Variants in SPAG16 observed in about 807,000 individuals in gnomAD.
SPAG16 encodes sperm-associated antigen 16 protein.
SPAG16 carries 86 observed loss-of-function variants against 80.4 expected under a neutral mutation model. The observed-to-expected ratio is 1.07, with a 90% CI of 0.90 to 1.28. The LOEUF is 1.28. Ranked by LOEUF, SPAG16 falls within the 50% of genes most tolerant of loss-of-function variation. The pLI is 0.00. For missense variants in SPAG16, 870 were observed against 765.3 expected (o/e 1.14, Z -1.61); for synonymous variants, 294 against 265.9 (o/e 1.11, Z -1.03).
chr2:213,676,877 T>C (rs1226043777), intron 10 of SPAG16, among the ~76,000 whole-genome samples: 2 of 151,226 alleles, frequency 1.3e-5, no homozygotes, highest in Non-Finnish European at 2.9e-5. Flanking sequence ...AGCTTTGGTA[T>C]CAGGATGATG....
intron 15 of SPAG16, among the ~76,000 whole-genome samples, chr2:214,151,818 C>T (rs1469517038): frequency 6.6e-6 from 1 of 152,172 alleles, no homozygotes; most frequent in Non-Finnish European, 1.5e-5. Flanking sequence ...TGAAAACACA[C>T]ATGTAATGTC....
chr2:213,560,830 A>G (rs553878892), intron 10 of SPAG16, among the ~76,000 whole-genome samples: 1 of 152,332 alleles, frequency 6.6e-6, no homozygotes, highest in Non-Finnish European at 1.5e-5. Flanking sequence ...ACTATCTTTC[A>G]ACTACACACA....
intron 15 of SPAG16, among the ~76,000 whole-genome samples, chr2:214,289,424 G>A (rs1693627680): frequency 6.6e-6 from 1 of 152,124 alleles, no homozygotes; most frequent in Non-Finnish European, 1.5e-5. Flanking sequence ...TATATAGAGA[G>A]CAGTCCAGAT....
At chr2:213,874,554 C>G (rs1022419051) in intron 11 of SPAG16, among the ~76,000 whole-genome samples, 1 of 152,054 alleles carries the variant, frequency 6.6e-6, no homozygotes, top group Non-Finnish European at 1.5e-5. Context: ...TGTAATATAC[C>G]CTTAAACAAC....
chr2:213,389,214 T>A (rs886645908), intron 9 of SPAG16, among the ~76,000 whole-genome samples: 1 of 152,064 alleles, frequency 6.6e-6, no homozygotes, highest in African/African-American at 2.4e-5. Flanking sequence ...GGTATCTACA[T>A]GCAAAATAAT....
chr2:213,867,710 CAGG>C (rs1451315585), intron 11 of SPAG16, among the ~76,000 whole-genome samples: 3 of 151,730 alleles, frequency 2.0e-5, no homozygotes, highest in Non-Finnish European at 2.9e-5. Context: ...ATCATGAGGT[CAGG>C]AGATCAAGAC....
intron 10 of SPAG16, among the ~76,000 whole-genome samples, chr2:213,860,348 T>C (rs1478119092): frequency 2.3e-5 from 2 of 87,000 alleles, no homozygotes; most frequent in Admixed American, 1.5e-4. Flanking sequence ...TACAGATATA[T>C]ATATATATAT....
At chr2:214,023,821 G>A (rs1000779819) in intron 13 of SPAG16, among the ~76,000 whole-genome samples, 12 of 151,306 alleles carry the variant, frequency 7.9e-5, no homozygotes, top group African/African-American at 1.7e-4. Flanking sequence ...GGCCAGTAGC[G>A]GGAAGACTAG....
intron 9 of SPAG16, among the ~76,000 whole-genome samples, chr2:213,417,761 A>G (rs2125421509): frequency 6.6e-6 from 1 of 152,338 alleles, no homozygotes; most frequent in South Asian, 2.1e-4. Flanking sequence ...TTATCTATAA[A>G]AATATATTTT....
chr2:214,163,595 C>CACAT (rs1559096246), intron 15 of SPAG16, among the ~76,000 whole-genome samples: 1 of 142,364 alleles, frequency 7.0e-6, no homozygotes, highest in Non-Finnish European at 1.6e-5. Flanking sequence ...TATACACACA[C>CACAT]ATATATACAT....
chr2:214,317,765 C>T (rs563510609), intron 15 of SPAG16, among the ~76,000 whole-genome samples: 117 of 152,298 alleles, frequency 7.7e-4, no homozygotes, highest in African/African-American at 2.8e-3. Context: ...TGGCTAATGC[C>T]TGCCTGTGGC....
chr2:213,819,573 C>T (rs2072799240), intron 10 of SPAG16, among the ~76,000 whole-genome samples: 1 of 151,902 alleles, frequency 6.6e-6, no homozygotes, highest in Non-Finnish European at 1.5e-5. Flanking sequence ...CCAGAAGCGT[C>T]TACTTCTGTC....
chr2:214,221,948 C>T (rs569172348), intron 15 of SPAG16, among the ~76,000 whole-genome samples: 18 of 151,682 alleles, frequency 1.2e-4, no homozygotes, highest in South Asian at 4.2e-4. Context: ...TGAAAAAAAA[C>T]ATTAAAAATA....
At chr2:213,286,864 AC>A (rs898000410) in intron 1 of SPAG16, among the ~76,000 whole-genome samples, 16 of 151,534 alleles carry the variant, frequency 1.1e-4, no homozygotes, top group Non-Finnish European at 1.9e-4. Context: ...TAATGTCCAA[AC>A]CAGAAACAGC....
chr2:213,876,858 A>G (rs1413936058), intron 11 of SPAG16, among the ~76,000 whole-genome samples: 2 of 152,154 alleles, frequency 1.3e-5, no homozygotes, highest in African/African-American at 4.8e-5. Flanking sequence ...TTGTCACTGA[A>G]CTTGACGACA....
intron 10 of SPAG16, 22 bp from the exon 11 acceptor site, chr2:213,862,462 CT>C (rs777745368): frequency 6.2e-7 from 1 of 1,610,808 alleles, no homozygotes; most frequent in Non-Finnish European, 8.5e-7. Flanking sequence ...CCCCATAACT[CT>C]TTTTTCTTTC....
intron 10 of SPAG16, among the ~76,000 whole-genome samples, chr2:213,642,572 A>C (rs1433771182): frequency 6.6e-6 from 1 of 151,448 alleles, no homozygotes; most frequent in Non-Finnish European, 1.5e-5. Context: ...ATCAGCTGCC[A>C]GCATGGCTAG....
At chr2:213,975,113 C>T (rs986279006) in intron 12 of SPAG16, among the ~76,000 whole-genome samples, 10 of 150,928 alleles carry the variant, frequency 6.6e-5, no homozygotes, top group African/African-American at 2.4e-4. Flanking sequence ...GATATTCATA[C>T]AATAGTAGAT....
intron 11 of SPAG16, among the ~76,000 whole-genome samples, chr2:213,920,144 C>T (rs1189281390): frequency 1.8e-5 from 1 of 54,806 alleles, no homozygotes; most frequent in Non-Finnish European, 5.9e-5. Flanking sequence ...GTAGATTTTT[C>T]TCCATCCTTT....
Sources: gnomAD v4.1 joint callset for allele counts (sites outside exome capture counted in the v4.1 genomes callset) on GRCh38, gnomAD v4.1.1 for gene constraint, MANE v1.5 for transcripts, NCBI Gene and HGNC (gene_info 2026-07-23, HGNC 2026-07-21) for gene names.